Variants in GRID2 observed in about 807,000 individuals in gnomAD.
GRID2 encodes the protein glutamate ionotropic receptor delta type subunit 2.
GRID2 carries 33 observed loss-of-function variants against 114.8 expected under a neutral mutation model. The ratio of observed to expected loss-of-function variants is 0.29; its 90% CI spans 0.22 to 0.38. GRID2 has a LOEUF of 0.38. Among genes scored for constraint, GRID2 ranks in the 10% least tolerant of loss-of-function variants. The pLI, the probability that GRID2 is intolerant of heterozygous loss-of-function variation, is 1.00. For synonymous variants in GRID2, 505 were observed against 449.9 expected (o/e 1.12, Z -1.55); for missense variants, 1,184 against 1,257.7 (o/e 0.94, Z 0.89).
intron 2 of GRID2, among the ~76,000 whole-genome samples, chr4:92,743,780 C>G (rs1309779676): frequency 2.6e-5 from 4 of 152,184 alleles, no homozygotes; most frequent in African/African-American, 9.6e-5. Context: ...TGTATCTCAT[C>G]TGCTATTCTC....
rs1736927039 is a variant in GRID2 at position 93,153,718 on chromosome 4, A to G, written c.735+42765A>G. 3.3e-5 allele frequency among the ~76,000 whole-genome samples: 5 copies of G among 152,220 alleles called. No individual in the cohort carries two copies. The South Asian group carries it at 8.3e-4, about 25-fold the overall frequency. The stretch of plus-strand genomic sequence containing the variant: ...CTGACTCAATGCATAGGGAAGAGCC[A>G]TCCTGGAGAATTCCGGTTCTCCTTA... On this transcript the variant is annotated intron_variant, in intron 4 of 15. Transcript: ENST00000282020.
At position 92,895,384 on chromosome 4, in the gene GRID2, CATATAT is replaced by C. The variant is rs10528035; in HGVS notation, c.245-189595_245-189590del. Among the ~76,000 whole-genome samples, 107 of 108,156 alleles carry C rather than the reference CATATAT, an allele frequency of 9.9e-4. 4 individuals carry two copies. The South Asian group carries it at 0.016, about 16-fold the overall frequency. 71.0% of individuals were successfully genotyped at this position (108,156 alleles called of 152,430 possible). A position where few individuals can be genotyped will look rare whatever the true frequency, so the allele number is the denominator to read the frequency against. ...TTGAATTGACACATCATGTAGAAAA[CATATAT>C]ATATATATATATATAAACTGAAAGA... On this transcript the variant is annotated intron_variant, in intron 2 of 15. Transcript: ENST00000282020.
Position 93,769,291 on chromosome 4 carries a change from C to T in GRID2, c.2442C>T (p.Tyr814=), listed in dbSNP as rs750715064. ...WWPKNGQCDL[Y]SSVDTKQKGG... ...CTAAGAATGGCCAGTGTGACCTGTACTCGTCAGTGGACACAAAGCAGAAAG... is the reference window on the plus strand; with the variant it reads ...CTAAGAATGGCCAGTGTGACCTGTATTCGTCAGTGGACACAAAGCAGAAAG... The change falls in exon 15 of 16, where the codon TAC becomes TAT. Residue 814 remains tyrosine, a synonymous_variant. Coordinates refer to ENST00000282020, the MANE Select transcript of GRID2 (RefSeq NM_001510.4). 6.2e-7 allele frequency: 1 copy of T among 1,614,076 alleles called. No individual in the cohort carries two copies. The highest frequency in any genetic ancestry group is 1.7e-5 in the Admixed American group (1 of 60,014).
chr4:93,645,545 G>A (rs999338137), intron 14 of GRID2, among the ~76,000 whole-genome samples: 4 of 152,122 alleles, frequency 2.6e-5, no homozygotes, highest in African/African-American at 9.7e-5. Context: ...GTTTTCAAAT[G>A]TCTCTTTTTT....
chr4:93,485,774 C>G (rs1726327788), intron 11 of GRID2, among the ~76,000 whole-genome samples: 1 of 151,704 alleles, frequency 6.6e-6, no homozygotes, highest in African/African-American at 2.4e-5. Context: ...AATCTATAGT[C>G]ATCAAGAGCC....
chr4:92,368,467 A>G (rs1728974606), intron 1 of GRID2, among the ~76,000 whole-genome samples: 3 of 152,134 alleles, frequency 2.0e-5, no homozygotes, highest in Admixed American at 2.0e-4. Context: ...CAACGACACA[A>G]TAACAATATA....
intron 1 of GRID2, among the ~76,000 whole-genome samples, chr4:92,406,581 T>C (rs2110291889): frequency 6.6e-6 from 1 of 152,076 alleles, no homozygotes; most frequent in Non-Finnish European, 1.5e-5. Flanking sequence ...TTAAGAGATA[T>C]ACATGCAAGT....
chr4:93,386,044 A>G lies in GRID2; in HGVS notation c.1246-9563A>G, dbSNP rs546382803. Among the ~76,000 whole-genome samples, 17 of 152,238 alleles carry G rather than the reference A, an allele frequency of 1.1e-4. No individual in the cohort carries two copies. In the East Asian group the frequency reaches 2.3e-3, roughly 21 times the overall value. Reference sequence around the variant, plus strand: ...TTGAAGCAAAACAGAAGGGTTTATTATTAAAAAAAAAATGTGTTTTCTCAA... The same window carrying G: ...TTGAAGCAAAACAGAAGGGTTTATTGTTAAAAAAAAAATGTGTTTTCTCAA... On this transcript the variant is annotated intron_variant, in intron 8 of 15. Transcript: ENST00000282020.
chr4:92,418,431 T>A (rs916586403), intron 1 of GRID2, among the ~76,000 whole-genome samples: 1 of 152,044 alleles, frequency 6.6e-6, no homozygotes, highest in Non-Finnish European at 1.5e-5. Flanking sequence ...GGTGGAATTG[T>A]GACCTGATTG....
chr4:93,100,711 G>T (rs902070007), intron 3 of GRID2, among the ~76,000 whole-genome samples: 2 of 151,972 alleles, frequency 1.3e-5, no homozygotes, highest in Non-Finnish European at 2.9e-5. Context: ...TCCAAGTGAG[G>T]TCTTAAAATG....
chr4:92,662,728 A>T (rs1165159875), intron 2 of GRID2, among the ~76,000 whole-genome samples: 1 of 151,210 alleles, frequency 6.6e-6, no homozygotes. Context: ...TATCTGGAAC[A>T]TATATTCCAA....
intron 13 of GRID2, among the ~76,000 whole-genome samples, chr4:93,603,454 G>A (rs923154651): frequency 1.3e-5 from 2 of 152,190 alleles, no homozygotes; most frequent in Admixed American, 6.6e-5. Context: ...AAGGAAAGAA[G>A]CCGTCTCCAT....
In GRID2 at chr4:93,211,890, T is replaced by G. The variant is rs536245017; in HGVS notation, c.789+4433T>G. 7.9e-5 allele frequency among the ~76,000 whole-genome samples: 12 copies of G among 152,294 alleles called. No individual in the cohort carries two copies. In the South Asian group the frequency reaches 2.1e-3, roughly 26 times the overall value. On this transcript the variant is annotated intron_variant, in intron 5 of 15. Transcript: ENST00000282020. ...CTGGTATATCCAAAATCAACACTCT[T>G]ACTTTCAAATTATTCCATTCACCCG...
intron 2 of GRID2, among the ~76,000 whole-genome samples, chr4:92,928,775 A>T (rs1406663524): frequency 4.6e-5 from 7 of 151,610 alleles, no homozygotes; most frequent in African/African-American, 1.7e-4. Flanking sequence ...GATGTTTCCC[A>T]TTTCAAGTGG....
chr4:92,746,379 G>A (rs1028274943), intron 2 of GRID2, among the ~76,000 whole-genome samples: 1 of 152,068 alleles, frequency 6.6e-6, no homozygotes, highest in African/African-American at 2.4e-5. Context: ...AAATTTATAT[G>A]TAGTTTTATC....
chr4:92,925,151 C>A (rs1472266824), intron 2 of GRID2, among the ~76,000 whole-genome samples: 1 of 152,066 alleles, frequency 6.6e-6, no homozygotes, highest in Non-Finnish European at 1.5e-5. Context: ...ACACATAAAG[C>A]AACGACCTCA....
intron 2 of GRID2, among the ~76,000 whole-genome samples, chr4:92,826,933 A>G (rs1741745828): frequency 6.6e-6 from 1 of 152,066 alleles, no homozygotes; most frequent in Admixed American, 6.6e-5. Context: ...CTATCAGTTC[A>G]TTGAGAAGAG....
rs760605020 is a variant in GRID2 at position 92,688,037 on chromosome 4, CTTTTTTTT to C, written c.244+97773_244+97780del. On this transcript the variant is annotated intron_variant, in intron 2 of 15. Coordinates refer to ENST00000282020, the MANE Select transcript of GRID2 (RefSeq NM_001510.4). ...GCCACATTGGTTGACCCTTCTTCTT[CTTTTTTTT>C]TTTTTTTTTTTTTTTTTTTTTGGGA... Among the ~76,000 whole-genome samples the C allele has an allele frequency of 9.9e-4, 44 of 44,668 alleles. 1 individual carries two copies. The highest frequency in any genetic ancestry group is 2.5e-3 in the African/African-American group (25 of 9,982). The allele number at this position is 44,668 out of a possible 152,430, so 29.3% of individuals were successfully genotyped here. A position where few individuals can be genotyped will look rare whatever the true frequency, so the allele number is the denominator to read the frequency against.
At chr4:92,465,434 C>T (rs576596670) in intron 1 of GRID2, among the ~76,000 whole-genome samples, 3 of 152,034 alleles carry the variant, frequency 2.0e-5, no homozygotes, top group Non-Finnish European at 1.5e-5. Flanking sequence ...ATTATTTCAC[C>T]GGATTGCTTA....
Sources: gnomAD v4.1 joint callset for allele counts (sites outside exome capture counted in the v4.1 genomes callset) on GRCh38, gnomAD v4.1.1 for gene constraint, MANE v1.5 for transcripts, NCBI Gene and HGNC (gene_info 2026-07-23, HGNC 2026-07-21) for gene names.